Variants in SEMA6D observed in about 807,000 individuals in gnomAD.
SEMA6D encodes semaphorin-6D.
SEMA6D carries 35 observed loss-of-function variants against 106.6 expected under a neutral mutation model. The observed-to-expected ratio is 0.33, with a 90% CI of 0.25 to 0.44. The LOEUF is 0.44. Ranked by LOEUF, SEMA6D falls within the 20% of genes least tolerant of loss-of-function variation. The pLI, the probability that SEMA6D is intolerant of heterozygous loss-of-function variation, is 1.00. For synonymous variants in SEMA6D, 499 were observed against 487.7 expected (o/e 1.02, Z -0.31); for missense variants, 1,185 against 1,345.9 (o/e 0.88, Z 1.87).
intron 4 of SEMA6D, among the ~76,000 whole-genome samples, chr15:47,694,478 C>T (rs1823418419): frequency 1.3e-5 from 2 of 152,208 alleles, no homozygotes; most frequent in Middle Eastern, 3.4e-3. Context: ...AGAAAAAAAG[C>T]TTCTTTCTTA....
intron 1 of SEMA6D, among the ~76,000 whole-genome samples, chr15:47,381,031 A>G (rs2039623444): frequency 6.6e-6 from 1 of 152,258 alleles, no homozygotes; most frequent in Admixed American, 6.5e-5. Flanking sequence ...CTTTGTGGCC[A>G]GAAACATAAG....
chr15:47,743,039 G>T (rs1001002101), intron 1 of SEMA6D, among the ~76,000 whole-genome samples: 11 of 152,070 alleles, frequency 7.2e-5, no homozygotes, highest in Non-Finnish European at 1.5e-4. Context: ...GCCTCCCCAG[G>T]ATGCCTCCTG....
At chr15:47,405,369 A>T (rs1374492916) in intron 1 of SEMA6D, among the ~76,000 whole-genome samples, 2 of 152,114 alleles carry the variant, frequency 1.3e-5, no homozygotes, top group African/African-American at 4.8e-5. Context: ...ACAAAGTCTC[A>T]TCTCAGACAG....
chr15:47,490,328 AC>A (rs1367042971), intron 3 of SEMA6D, among the ~76,000 whole-genome samples: 2 of 152,204 alleles, frequency 1.3e-5, no homozygotes, highest in Non-Finnish European at 2.9e-5. Context: ...TAAGTTAAAA[AC>A]TTTTATTCCC....
At chr15:47,686,850 G>A (rs1414454783) in intron 4 of SEMA6D, among the ~76,000 whole-genome samples, 1 of 152,130 alleles carries the variant, frequency 6.6e-6, no homozygotes, top group East Asian at 1.9e-4. Context: ...AGGATCACTT[G>A]AGGATGGGAG....
At chr15:47,554,906 G>A (rs186659624) in intron 3 of SEMA6D, among the ~76,000 whole-genome samples, 36 of 152,240 alleles carry the variant, frequency 2.4e-4, no homozygotes, top group Admixed American at 2.2e-3. Context: ...CTCAATCCAG[G>A]ATAAATGATT....
At chr15:47,693,488 TCACCTATCACCCTCC>T (rs2078632887) in intron 4 of SEMA6D, among the ~76,000 whole-genome samples, 2 of 152,084 alleles carry the variant, frequency 1.3e-5, no homozygotes, top group African/African-American at 4.8e-5. Context: ...GTGAAAGGGA[TCACCTATCACCCTCC>T]ATTCCCCTAT....
chr15:47,623,997 A>C (rs1446932539), intron 4 of SEMA6D, among the ~76,000 whole-genome samples: 1 of 152,132 alleles, frequency 6.6e-6, no homozygotes, highest in Non-Finnish European at 1.5e-5. Context: ...CTGGCTGACA[A>C]AACTCCCCGT....
chr15:47,217,830 A>G (rs1410366812), intron 1 of SEMA6D, among the ~76,000 whole-genome samples: 1 of 150,642 alleles, frequency 6.6e-6, no homozygotes, highest in African/African-American at 2.4e-5. Flanking sequence ...ACACAAATAC[A>G]TGCATATACA....
At chr15:47,222,244 T>C (rs984601136) in intron 1 of SEMA6D, among the ~76,000 whole-genome samples, 4 of 152,194 alleles carry the variant, frequency 2.6e-5, no homozygotes, top group Non-Finnish European at 4.4e-5. Flanking sequence ...TGACCCATCA[T>C]ATGAGATGTC....
intron 4 of SEMA6D, among the ~76,000 whole-genome samples, chr15:47,685,713 A>G (rs1005091537): frequency 1.3e-5 from 2 of 152,122 alleles, no homozygotes; most frequent in South Asian, 2.1e-4. Flanking sequence ...CAACACAGCT[A>G]TGGTAGAACA....
chr15:47,295,386 C>T (rs934129994), intron 1 of SEMA6D, among the ~76,000 whole-genome samples: 3 of 152,186 alleles, frequency 2.0e-5, no homozygotes, highest in Non-Finnish European at 2.9e-5. Flanking sequence ...AGACACTCTC[C>T]TTCAACTCTT....
intron 1 of SEMA6D, among the ~76,000 whole-genome samples, chr15:47,756,346 T>C (rs901228247): frequency 5.3e-5 from 8 of 152,096 alleles, no homozygotes; most frequent in African/African-American, 1.7e-4. Flanking sequence ...TTTTTTTTTT[T>C]CCACCTTTTT....
intron 1 of SEMA6D, among the ~76,000 whole-genome samples, chr15:47,358,155 T>A (rs1362154591): frequency 3.3e-5 from 5 of 152,206 alleles, no homozygotes; most frequent in African/African-American, 1.2e-4. Flanking sequence ...CTTCATTTTC[T>A]TGTCCAAAGA....
chr15:47,309,796 G>T (rs1394418808), intron 1 of SEMA6D, among the ~76,000 whole-genome samples: 1 of 152,106 alleles, frequency 6.6e-6, no homozygotes, highest in Non-Finnish European at 1.5e-5. Flanking sequence ...ATAAAGCGTT[G>T]AATATCTCAT....
chr15:47,264,359 T>G (rs1214524015), intron 1 of SEMA6D, among the ~76,000 whole-genome samples: 2 of 151,532 alleles, frequency 1.3e-5, no homozygotes, highest in Non-Finnish European at 2.9e-5. Context: ...TTTTTAAATA[T>G]TGTGCAAGGT....
intron 3 of SEMA6D, among the ~76,000 whole-genome samples, chr15:47,557,763 A>G (rs1204265131): frequency 1.3e-5 from 2 of 152,200 alleles, no homozygotes; most frequent in Admixed American, 6.6e-5. Context: ...ACATTGAAGT[A>G]TATTAACATC....
In SEMA6D at chr15:47,448,687, T is replaced by C. The variant is rs115408186; in HGVS notation, c.-158-21787T>C. Among the ~76,000 whole-genome samples the C allele has an allele frequency of 9.2e-3, 1,396 of 152,178 alleles. 20 individuals are homozygous for C. The highest frequency in any genetic ancestry group is 0.032 in the African/African-American group (1,339 of 41,540). Reference sequence around the variant, plus strand: ...GCTGCAGAAAGAGAATCAAATGGGGTTGAAGTAAGGGTCCTACTTTAAAGT... The same window carrying C: ...GCTGCAGAAAGAGAATCAAATGGGGCTGAAGTAAGGGTCCTACTTTAAAGT... On this transcript the variant is annotated intron_variant, in intron 2 of 19. Transcript: ENST00000558014.
chr15:47,398,014 C>G (rs1438749940), intron 1 of SEMA6D: 4 of 152,182 alleles, frequency 2.6e-5, no homozygotes, highest in African/African-American at 9.7e-5. Flanking sequence ...GAAAGGGTGT[C>G]AGCACTCCCT....
Sources: gnomAD v4.1 joint callset for allele counts (sites outside exome capture counted in the v4.1 genomes callset) on GRCh38, gnomAD v4.1.1 for gene constraint, MANE v1.5 for transcripts, NCBI Gene and HGNC (gene_info 2026-07-23, HGNC 2026-07-21) for gene names.